Variants in ZFHX3 observed in about 807,000 individuals in gnomAD.
ZFHX3 encodes zinc finger homeobox 3.
A neutral mutation model predicts 279.1 loss-of-function variants in ZFHX3; 42 were observed. The ratio of observed to expected loss-of-function variants is 0.15; its 90% CI spans 0.12 to 0.19. ZFHX3 has a LOEUF of 0.19. ZFHX3 is among the 10% of genes least tolerant of loss of function. The pLI, the probability that ZFHX3 is intolerant of heterozygous loss-of-function variation, is 1.00. For missense variants in ZFHX3, 4,981 were observed against 4,754.0 expected (o/e 1.05, Z -1.40); for synonymous variants, 2,293 against 1,957.8 (o/e 1.17, Z -4.52).
At chr16:73,755,363 T>G (rs2053799375) in intron 1 of ZFHX3, among the ~76,000 whole-genome samples, 1 of 152,178 alleles carries the variant, frequency 6.6e-6, no homozygotes, top group Admixed American at 6.5e-5. Context: ...TCCTGGAGTT[T>G]AAACTCCCTA....
chr16:73,306,802 G>C (rs1343241032), intron 4 of ZFHX3, among the ~76,000 whole-genome samples: 1 of 152,182 alleles, frequency 6.6e-6, no homozygotes, highest in Non-Finnish European at 1.5e-5. Context: ...CAGAATGTTG[G>C]CTTCATGCGG....
At chr16:73,236,428 T>C (rs1337042059) in intron 5 of ZFHX3, among the ~76,000 whole-genome samples, 6 of 152,072 alleles carry the variant, frequency 3.9e-5, no homozygotes, top group Admixed American at 2.6e-4. Flanking sequence ...AGAAACCCCA[T>C]CTCTACAAAG....
chr16:73,493,234 T>C (rs937548254), intron 2 of ZFHX3, among the ~76,000 whole-genome samples: 3 of 152,146 alleles, frequency 2.0e-5, no homozygotes, highest in African/African-American at 7.2e-5. Context: ...ACCTATCTGG[T>C]TCCCCTTTAT....
chr16:72,984,576 C>T (rs533589625), intron 1 of ZFHX3, among the ~76,000 whole-genome samples: 9 of 150,058 alleles, frequency 6.0e-5, no homozygotes, highest in South Asian at 2.1e-4. Flanking sequence ...CAAGGAGCCA[C>T]GATCACACCA....
chr16:73,473,365 A>AAAAAAAAAAAAAAAAAAAAAAAAAAAAC (rs2018708335), intron 2 of ZFHX3, among the ~76,000 whole-genome samples: 8 of 130,140 alleles, frequency 6.1e-5, no homozygotes, highest in African/African-American at 2.5e-4. Flanking sequence ...AAACAAAAAA[A>AAAAAAAAAAAAAAAAAAAAAAAAAAAAC]AAAAAAACAA....
At chr16:73,157,829 C>T (rs1597190598) in intron 5 of ZFHX3, among the ~76,000 whole-genome samples, 1 of 152,188 alleles carries the variant, frequency 6.6e-6, no homozygotes, top group Non-Finnish European at 1.5e-5. Context: ...ATTGGCCTCA[C>T]AAGGAGAAGA....
At chr16:73,847,692 G>A (rs1021307543) in intron 1 of ZFHX3, among the ~76,000 whole-genome samples, 1 of 151,956 alleles carries the variant, frequency 6.6e-6, no homozygotes. Flanking sequence ...CAATGTATAG[G>A]AAGTGCCCAG....
At chr16:73,204,784 G>A (rs1447159120) in intron 5 of ZFHX3, among the ~76,000 whole-genome samples, 2 of 152,196 alleles carry the variant, frequency 1.3e-5, no homozygotes, top group Non-Finnish European at 2.9e-5. Context: ...GGGAGCTGTT[G>A]CTAGTTGAAC....
chr16:73,124,056 A>C (rs553146722), intron 7 of ZFHX3, among the ~76,000 whole-genome samples: 3 of 152,322 alleles, frequency 2.0e-5, no homozygotes, highest in African/African-American at 7.2e-5. Context: ...CCAACCAACC[A>C]ACTAATACAG....
intron 3 of ZFHX3, among the ~76,000 whole-genome samples, chr16:72,944,438 G>C (rs1326947382): frequency 6.6e-6 from 1 of 152,198 alleles, no homozygotes; most frequent in Non-Finnish European, 1.5e-5. Context: ...ACATGTAACA[G>C]TGGGTTTGCC....
intron 1 of ZFHX3, among the ~76,000 whole-genome samples, chr16:72,975,395 C>T (rs1160470683): frequency 1.3e-5 from 2 of 152,082 alleles, no homozygotes; most frequent in Non-Finnish European, 2.9e-5. Flanking sequence ...GTGAGCTGAT[C>T]GTGCCACTGC....
intron 2 of ZFHX3, among the ~76,000 whole-genome samples, chr16:73,497,035 C>G (rs576208775): frequency 1.1e-3 from 167 of 152,314 alleles, no homozygotes; most frequent in African/African-American, 3.8e-3. Flanking sequence ...TGTTACTAGT[C>G]TCTCCAGTGT....
In ZFHX3 at chr16:72,960,122, G is replaced by A. The variant is rs775146790; in HGVS notation, c.24C>T (p.Val8=). ...CGCACCCATTGTCCTTCCCCGAGAC[G>A]ACGGGCGAGTCACAGCCTTCCATGG... MEGCDSP[V]VSGKDNGCGI... The change falls in exon 2 of 10, where the codon GTC becomes GTT. Residue 8 remains valine (V), a synonymous_variant. Coordinates refer to ENST00000268489, the MANE Select transcript of ZFHX3 (RefSeq NM_006885.4). The A allele has an allele frequency of 9.4e-6, 15 of 1,588,882 alleles. No individual in the cohort carries two copies. In the East Asian group the frequency reaches 1.1e-4, roughly 12 times the overall value.
intron 1 of ZFHX3, chr16:73,813,902 G>T (rs1960492315): frequency 1.3e-5 from 2 of 152,180 alleles, no homozygotes; most frequent in Non-Finnish European, 2.9e-5. Context: ...GTTTTAATTT[G>T]TAATATTTGC....
exon 8 of ZFHX3, chr16:73,093,443 C>G: frequency 2.0e-6 from 1 of 491,162 alleles, no homozygotes; most frequent in Admixed American, 2.1e-5. Context: ...CCCTTTCGCT[C>G]AGCTCTTTTG....
intron 1 of ZFHX3, among the ~76,000 whole-genome samples, chr16:73,692,732 G>C (rs1334133555): frequency 6.6e-6 from 1 of 152,196 alleles, no homozygotes; most frequent in Non-Finnish European, 1.5e-5. Flanking sequence ...GTGAATTAAA[G>C]TAGGTATTTT....
chr16:73,163,228 C>G (rs754596435), intron 5 of ZFHX3, among the ~76,000 whole-genome samples: 11 of 152,114 alleles, frequency 7.2e-5, no homozygotes, highest in Non-Finnish European at 1.2e-4. Context: ...ACATACTGAG[C>G]CAGGTGCAGG....
At chr16:73,536,862 T>G (rs2019911014) in intron 2 of ZFHX3, among the ~76,000 whole-genome samples, 1 of 152,160 alleles carries the variant, frequency 6.6e-6, no homozygotes, top group Admixed American at 6.5e-5. Context: ...TAGGCACACA[T>G]TTAACTAAGG....
intron 7 of ZFHX3, among the ~76,000 whole-genome samples, chr16:73,130,133 T>G (rs1966651025): frequency 6.6e-6 from 1 of 152,200 alleles, no homozygotes; most frequent in African/African-American, 2.4e-5. Context: ...AAACATTTAT[T>G]TTTGGGCTTT....
Sources: gnomAD v4.1 joint callset for allele counts (sites outside exome capture counted in the v4.1 genomes callset) on GRCh38, gnomAD v4.1.1 for gene constraint, MANE v1.5 for transcripts, NCBI Gene and HGNC (gene_info 2026-07-23, HGNC 2026-07-21) for gene names.